LAMA2: variants seen among roughly 807,000 people sequenced by gnomAD.
LAMA2 encodes the protein laminin subunit alpha 2.
LAMA2 carries 269 observed loss-of-function variants against 364.8 expected under a neutral mutation model. The observed-to-expected ratio is 0.74, with a 90% CI of 0.67 to 0.82. The LOEUF (loss-of-function observed/expected upper bound fraction) is 0.82. Ranked by LOEUF, LAMA2 falls within the 40% of genes least tolerant of loss-of-function variation. The pLI, the probability that LAMA2 is intolerant of heterozygous loss-of-function variation, is 0.00. For synonymous variants in LAMA2, 1,379 were observed against 1,370.6 expected (o/e 1.01, Z -0.14); for missense variants, 3,807 against 3,873.2 (o/e 0.98, Z 0.45).
intron 1 of LAMA2, among the ~76,000 whole-genome samples, chr6:128,922,536 C>T (rs1296790329): frequency 2.0e-5 from 3 of 151,276 alleles, no homozygotes; most frequent in Admixed American, 1.3e-4. Flanking sequence ...ATGTCCTTCG[C>T]CCACTTGTTG....
intron 7 of LAMA2, among the ~76,000 whole-genome samples, chr6:129,151,588 G>A (rs900613500): frequency 6.6e-6 from 1 of 152,148 alleles, no homozygotes; most frequent in African/African-American, 2.4e-5. Flanking sequence ...AAGGAAAGAG[G>A]TTTAGTTGAC....
At chr6:129,452,960 G>A in intron 45 of LAMA2, 28 bp from the exon 46 acceptor site, 2 of 1,604,802 alleles carry the variant, frequency 1.2e-6, no homozygotes, top group Non-Finnish European at 8.5e-7. Context: ...ATTTACTCTT[G>A]GTTCTTTGTA....
intron 1 of LAMA2, among the ~76,000 whole-genome samples, chr6:128,962,185 T>TACATACACACACACAC (rs1554335793): frequency 2.9e-5 from 3 of 103,918 alleles, no homozygotes; most frequent in African/African-American, 1.1e-4. Flanking sequence ...TATATATATA[T>TACATACACACACACAC]ACACACATAC....
At position 129,477,522 on chromosome 6, in the gene LAMA2, G is replaced by T. The variant is rs555516258; in HGVS notation, c.7452-1171G>T. On this transcript the variant is annotated intron_variant, in intron 53 of 64. Coordinates refer to ENST00000421865, the MANE Select transcript of LAMA2 (RefSeq NM_000426.4). ...TTCACATATAAGAACACTGAGTCTT[G>T]GAGAACTTAGATCACTTGCAACATC... Among the ~76,000 whole-genome samples, 7 of 152,218 alleles carry T rather than the reference G, an allele frequency of 4.6e-5. No individual in the cohort carries two copies. In the East Asian group the frequency reaches 1.4e-3, roughly 29 times the overall value.
chr6:128,960,394 A>G lies in LAMA2; in HGVS notation c.112+77037A>G, dbSNP rs548891660. Among the ~76,000 whole-genome samples the G allele has an allele frequency of 8.5e-3, 1,248 of 147,330 alleles. 6 individuals carry two copies. Among genetic ancestry groups the G allele is most frequent in the Middle Eastern group, 0.021 (6 of 280 alleles). On this transcript the variant is annotated intron_variant, in intron 1 of 64. Coordinates refer to ENST00000421865, the MANE Select transcript of LAMA2 (RefSeq NM_000426.4). ...GCTCTTGTCCCCCAGGCTGGAGTGC[A>G]ATGGCATGATCTTGGCTCACTGCAG...
At chr6:129,404,321 A>G (rs1034920697) in intron 40 of LAMA2, among the ~76,000 whole-genome samples, 6 of 152,164 alleles carry the variant, frequency 3.9e-5, no homozygotes, top group African/African-American at 1.4e-4. Context: ...ATATAATCAC[A>G]CACAAATTGG....
chr6:129,297,842 A>C lies in LAMA2; in HGVS notation c.3014A>C (p.Asn1005Thr). 6.2e-7 allele frequency: 1 copy of C among 1,613,860 alleles called. No homozygotes were observed. The highest frequency in any genetic ancestry group is 8.5e-7 in the Non-Finnish European group (1 of 1,179,894). The change falls in exon 21 of 65, where the codon AAC (asparagine) becomes ACC (threonine). Residue 1005 changes from asparagine (N) to threonine (T), a missense_variant. Around this residue, in one of 3 missense-constraint regions of LAMA2, gnomAD observed 3,333 missense variants for 3,345.7 expected, o/e 1.00. Transcript: ENST00000421865. ...KCDRCAHGYF[N>T]FQEGGCTACE... The stretch of plus-strand genomic sequence containing the variant: ...GACCGCTGTGCCCACGGCTATTTCA[A>C]CTTCCAAGAAGGAGGCTGCACAGGT...
At chr6:129,370,150 TCATAGAAATCAGTAGCA>T (rs891837739) in intron 34 of LAMA2, among the ~76,000 whole-genome samples, 160 bp downstream of exon 34, 2 of 152,198 alleles carry the variant, frequency 1.3e-5, no homozygotes, top group East Asian at 3.9e-4. Flanking sequence ...TCAAATCAAA[TCATAGAAATCAGTAGCA>T]CGCAGAAAAA....
chr6:129,013,879 C>T (rs1170571490), intron 1 of LAMA2, among the ~76,000 whole-genome samples: 2 of 151,928 alleles, frequency 1.3e-5, no homozygotes, highest in East Asian at 3.9e-4. Context: ...ATTATAATGG[C>T]AGCTTGGATG....
Position 129,361,058 on chromosome 6 carries a change from G to T in LAMA2, c.4718-5161G>T, listed in dbSNP as rs1272308998. Among the ~76,000 whole-genome samples the T allele has an allele frequency of 2.6e-5, 4 of 152,102 alleles. 1 individual carries two copies. Among genetic ancestry groups the T allele is most frequent in the Admixed American group, 2.6e-4 (4 of 15,270 alleles). Reference sequence around the variant, plus strand: ...TAAATTAAAGAATAATTTAATGTTTGCTATCAAAGGCACACACTGCCCTAA... The same window carrying T: ...TAAATTAAAGAATAATTTAATGTTTTCTATCAAAGGCACACACTGCCCTAA... On this transcript the variant is annotated intron_variant, in intron 32 of 64. Coordinates refer to ENST00000421865, the MANE Select transcript of LAMA2 (RefSeq NM_000426.4).
chr6:128,932,758 A>G (rs1397642229), intron 1 of LAMA2, among the ~76,000 whole-genome samples: 1 of 152,228 alleles, frequency 6.6e-6, no homozygotes, highest in Admixed American at 6.5e-5. Flanking sequence ...TAATATACAT[A>G]TACATTGTGA....
chr6:129,100,353 C>G (rs1775451351), intron 4 of LAMA2, among the ~76,000 whole-genome samples: 1 of 152,112 alleles, frequency 6.6e-6, no homozygotes, highest in South Asian at 2.1e-4. Flanking sequence ...TTCCTTACGT[C>G]TATTTGTCAC....
In LAMA2 at chr6:129,205,493, TACACACAC is replaced by T. The variant is rs767013359; in HGVS notation, c.1782+12673_1782+12680del. Among the ~76,000 whole-genome samples the T allele has an allele frequency of 8.0e-4, 83 of 104,188 alleles. 1 individual carries two copies. The highest frequency in any genetic ancestry group is 2.3e-3 in the African/African-American group (42 of 18,150). The allele number at this position is 104,188 out of a possible 152,430, so 68.4% of individuals were successfully genotyped here. Reference sequence around the variant, plus strand: ...TATTCTGTAAGTATATATATATATATACACACACACACACACACACACACACACACACA... The same window carrying T: ...TATTCTGTAAGTATATATATATATATACACACACACACACACACACACACA... On this transcript the variant is annotated intron_variant, in intron 12 of 64. Coordinates refer to ENST00000421865, the MANE Select transcript of LAMA2 (RefSeq NM_000426.4).
At chr6:129,086,411 A>G (rs1774390542) in intron 3 of LAMA2, among the ~76,000 whole-genome samples, 1 of 152,236 alleles carries the variant, frequency 6.6e-6, no homozygotes, top group Non-Finnish European at 1.5e-5. Context: ...CTAGCAACTT[A>G]TAACAGTTTT....
At chr6:129,513,820 G>A (rs1201663601) in intron 63 of LAMA2, among the ~76,000 whole-genome samples, 17 of 152,118 alleles carry the variant, frequency 1.1e-4, no homozygotes, top group Non-Finnish European at 1.5e-5. Flanking sequence ...TTTGGCACCT[G>A]TGACATGAAA....
chr6:129,389,564 C>A (rs188061728), intron 35 of LAMA2, among the ~76,000 whole-genome samples: 2 of 152,134 alleles, frequency 1.3e-5, no homozygotes, highest in Non-Finnish European at 2.9e-5. Context: ...TCTCTTCTCA[C>A]GCTGCTATAA....
chr6:129,448,385 A>C (rs972750309), intron 45 of LAMA2, among the ~76,000 whole-genome samples: 1 of 152,248 alleles, frequency 6.6e-6, no homozygotes, highest in South Asian at 2.1e-4. Context: ...TCAGTTTTGG[A>C]AATGGAATTA....
chr6:129,292,663 C>T (rs1789793463), intron 20 of LAMA2: 1 of 279,280 alleles, frequency 3.6e-6, no homozygotes, highest in Non-Finnish European at 5.4e-6. Context: ...GTGATAAAGA[C>T]AGCTAAGCAG....
intron 36 of LAMA2, among the ~76,000 whole-genome samples, chr6:129,392,141 A>G (rs1365993249): frequency 1.3e-5 from 2 of 152,198 alleles, no homozygotes; most frequent in Non-Finnish European, 2.9e-5. Flanking sequence ...AATAATAAAC[A>G]CCTAATACTT....
Sources: allele counts gnomAD v4.1 joint callset (sites outside exome capture counted in the v4.1 genomes callset), GRCh38; gene constraint gnomAD v4.1.1; regional missense constraint gnomAD v4.1.1; transcripts MANE v1.5; gene names NCBI Gene and HGNC (gene_info 2026-07-23, HGNC 2026-07-21).